CLIP1: variants seen among roughly 807,000 people sequenced by gnomAD.
CLIP1 encodes the protein CAP-Gly domain containing linker protein 1, also known as CAP-Gly domain-containing linker protein 1.
A neutral mutation model predicts 161.6 loss-of-function variants in CLIP1; 66 were observed. That is an observed-to-expected ratio of 0.41 (90% confidence interval 0.33 to 0.50). CLIP1 has a LOEUF of 0.50. CLIP1 is among the 20% of genes least tolerant of loss of function. CLIP1 has a pLI of 0.27. For missense variants in CLIP1, 1,376 were observed against 1,702.0 expected, an observed-to-expected ratio of 0.81 and a Z score of 3.37; for synonymous variants, 598 against 626.2, an observed-to-expected ratio of 0.96 and a Z score of 0.67.
At chr12:122,384,237 A>C (rs966253266) in intron 1 of CLIP1, among the ~76,000 whole-genome samples, 3 of 152,154 alleles carry the variant, frequency 2.0e-5, no homozygotes, top group Admixed American at 2.0e-4. Context: ...CACTAAATTT[A>C]ATATTAAAAC....
chr12:122,340,693 C>T (rs1952457190), intron 11 of CLIP1, 60 bp downstream of exon 11: 1 of 1,373,520 alleles, frequency 7.3e-7, no homozygotes, highest in African/African-American at 1.5e-5. Context: ...TCAAAAGTAA[C>T]ATAATGCAAA....
At chr12:122,404,047 G>A (rs11058001) in intron 1 of CLIP1, among the ~76,000 whole-genome samples, 15,023 of 152,242 alleles carry the variant, frequency 0.099, 1,247 homozygotes, top group East Asian at 0.45. Flanking sequence ...TACCCGGTAA[G>A]CGCATGAGTG....
chr12:122,278,755 G>C (rs769127581), intron 23 of CLIP1, 37 bp downstream of exon 23: 8 of 1,536,274 alleles, frequency 5.2e-6, no homozygotes, highest in Admixed American at 2.1e-5. Context: ...GGGAGGACGC[G>C]GGGTGTACAG....
At chr12:122,390,302 A>ATG (rs1555280699) in intron 1 of CLIP1, among the ~76,000 whole-genome samples, 19 of 111,888 alleles carry the variant, frequency 1.7e-4, no homozygotes, top group East Asian at 4.4e-4. Flanking sequence ...ATATATATAT[A>ATG]TGTATATATA....
intron 1 of CLIP1, among the ~76,000 whole-genome samples, chr12:122,390,275 TATAC>T (rs1182608807): frequency 4.1e-5 from 2 of 48,262 alleles, no homozygotes; most frequent in East Asian, 1.2e-3. Flanking sequence ...CACATATATA[TATAC>T]ATATATATAT....
At position 122,374,932 on chromosome 12, in the gene CLIP1, A is replaced by T. The variant is rs1462027061; in HGVS notation, c.657+2457T>A. ...ATGAGCTAAAAATTCAGCACAGAAC[A>T]TGCAGTCCAAGGCATGGAGACAACC... is the stretch of plus-strand genomic sequence containing the variant. On this transcript the variant is annotated intron_variant, in intron 3 of 25. Coordinates refer to ENST00000620786, the MANE Select transcript of CLIP1 (RefSeq NM_001247997.2). Among the ~76,000 whole-genome samples, 4 of 152,192 alleles carry T rather than the reference A, an allele frequency of 2.6e-5. No individual in the cohort carries two copies. In the East Asian group the frequency reaches 7.7e-4, roughly 29 times the overall value.
At chr12:122,299,357 AAAAGATACG>A (rs1290591931) in intron 20 of CLIP1, among the ~76,000 whole-genome samples, 1 of 152,006 alleles carries the variant, frequency 6.6e-6, no homozygotes. Context: ...CAAGAAACTT[AAAAGATACG>A]AAAGAGAATA....
At chr12:122,283,945 G>A (rs1406487806) in intron 21 of CLIP1, among the ~76,000 whole-genome samples, 1 of 152,104 alleles carries the variant, frequency 6.6e-6, no homozygotes, top group African/African-American at 2.4e-5. Flanking sequence ...CACAATGTAA[G>A]TATTTGCAAG....
At chr12:122,379,318 A>AC (rs1203302399) in intron 2 of CLIP1, among the ~76,000 whole-genome samples, 4 of 151,226 alleles carry the variant, frequency 2.6e-5, no homozygotes, top group African/African-American at 9.7e-5. Flanking sequence ...AAAAAAAAAA[A>AC]AAAACAAAAA....
At chr12:122,354,254 GC>G (rs975957602) in intron 7 of CLIP1, among the ~76,000 whole-genome samples, 198 bp downstream of exon 7, 4 of 152,022 alleles carry the variant, frequency 2.6e-5, no homozygotes, top group Non-Finnish European at 5.9e-5. Flanking sequence ...AATTAGCCAG[GC>G]GTGGTGGCAC....
chr12:122,354,640 C>T (rs1953240107), intron 6 of CLIP1, 84 bp from the exon 7 acceptor site: 5 of 1,084,946 alleles, frequency 4.6e-6, no homozygotes, highest in Non-Finnish European at 7.1e-6. Context: ...AGCTGTGGGT[C>T]ACCATGGTGG....
In CLIP1 at chr12:122,354,474, T is replaced by C. The variant is rs1246990563; in HGVS notation, c.1286A>G (p.Asn429Ser). The C allele has an allele frequency of 4.3e-6, 7 of 1,613,542 alleles. No individual in the cohort carries two copies. Among genetic ancestry groups the C allele is most frequent in the African/African-American group, 2.7e-5 (2 of 74,922 alleles). ...AADREKVELL[N>S]QLEEEKRKVE... ...TCACCTTTTCTCCTCTTCAAGCTGG[T>C]TGAGAAGCTCCACCTTCTCCCTGTC... Residue 429 changes from asparagine (N) to serine (S), a missense_variant, in exon 7 of 26, where the codon AAC (asparagine) becomes AGC (serine). Physicochemically the swap from Asn to Ser is conservative, Grantham distance 46 (BLOSUM62 1). Transcript: ENST00000620786.
intron 20 of CLIP1, among the ~76,000 whole-genome samples, chr12:122,294,788 G>A (rs55778375): frequency 0.06 from 9,104 of 151,084 alleles, 902 homozygotes; most frequent in African/African-American, 0.21. Flanking sequence ...AGTGCCTCAC[G>A]TCTGTAATCT....
chr12:122,398,960 AC>A (rs1182830406), intron 1 of CLIP1, among the ~76,000 whole-genome samples: 5 of 150,036 alleles, frequency 3.3e-5, no homozygotes, highest in South Asian at 2.1e-4. Context: ...AAAAAAAAAA[AC>A]CTTAAGCAAT....
intron 12 of CLIP1, 109 bp downstream of exon 12, chr12:122,336,523 C>T (rs1675478020): frequency 7.7e-6 from 5 of 653,028 alleles, no homozygotes; most frequent in Non-Finnish European, 1.4e-5. Context: ...CAAGTTGAAT[C>T]AACACTTAGA....
intron 17 of CLIP1, chr12:122,324,007 A>T (rs1214706017): frequency 6.6e-6 from 1 of 152,608 alleles, no homozygotes; most frequent in African/African-American, 2.4e-5. Flanking sequence ...GCAAAGAGTC[A>T]TTTTCCACAT....
In CLIP1 at chr12:122,273,975, C is replaced by T. The variant is rs993844286; in HGVS notation, c.4091+63G>A. Reference sequence around the variant, plus strand: ...TCGAACTCCTGACCCTCAAGTGGTCCGCCCGCCTCGGCCTCCCAAAGTGCT... The same window carrying T: ...TCGAACTCCTGACCCTCAAGTGGTCTGCCCGCCTCGGCCTCCCAAAGTGCT... On this transcript the variant is annotated intron_variant, in intron 25 of 25. Transcript: ENST00000620786. 5.1e-5 allele frequency: 76 copies of T among 1,489,524 alleles called. No homozygotes were observed. In the East Asian group the frequency reaches 7.1e-4, roughly 14 times the overall value. 92.3% of individuals were successfully genotyped at this position (1,489,524 alleles called of 1,614,324 possible). A position where few individuals can be genotyped will look rare whatever the true frequency, so the allele number is the denominator to read the frequency against.
intron 23 of CLIP1, 27 bp from the exon 24 acceptor site, chr12:122,278,230 A>AAC (rs5801473): frequency 6.4e-7 from 1 of 1,563,580 alleles, no homozygotes; most frequent in Non-Finnish European, 8.6e-7. Flanking sequence ...AAAAAAAAAA[A>AAC]ACAAGTGGAG....
In CLIP1 at chr12:122,384,170, C is replaced by T. The variant is rs555308625; in HGVS notation, c.-106-3612G>A. Among the ~76,000 whole-genome samples the T allele has an allele frequency of 5.3e-4, 80 of 152,278 alleles. 2 individuals carry two copies. In the East Asian group the frequency reaches 0.015, roughly 28 times the overall value. On this transcript the variant is annotated intron_variant, in intron 1 of 25. Coordinates refer to ENST00000620786, the MANE Select transcript of CLIP1 (RefSeq NM_001247997.2). Reference sequence around the variant, plus strand: ...TCATCACCTGTCTCCTAAGGTCATTCTGCTCAGTGGCACAGATGCGAACAC... The same window carrying T: ...TCATCACCTGTCTCCTAAGGTCATTTTGCTCAGTGGCACAGATGCGAACAC...
Sources: gnomAD v4.1 joint callset for allele counts (sites outside exome capture counted in the v4.1 genomes callset) on GRCh38, gnomAD v4.1.1 for gene constraint, MANE v1.5 for transcripts, NCBI Gene and HGNC (gene_info 2026-07-23, HGNC 2026-07-21) for gene names.